TRAPPC12: variants seen among roughly 807,000 people sequenced by gnomAD.
TRAPPC12 encodes the protein TPR repeat protein 15.
TRAPPC12 carries 61 observed loss-of-function variants against 69.2 expected under a neutral mutation model. That is an observed-to-expected ratio of 0.88 (90% confidence interval 0.72 to 1.09). The LOEUF (loss-of-function observed/expected upper bound fraction) is 1.09. Among genes scored for constraint, TRAPPC12 ranks in the 50% least tolerant of loss-of-function variants. The probability of loss-of-function intolerance (pLI) is 0.00; values close to 1 mark genes in which losing one functional copy is unlikely to be tolerated. For synonymous variants in TRAPPC12, 469 were observed against 438.9 expected (o/e 1.07, Z -0.86); for missense variants, 1,101 against 1,016.4 (o/e 1.08, Z -1.13).
chr2:3,402,161 A>G (rs1359245395), intron 3 of TRAPPC12, among the ~76,000 whole-genome samples: 1 of 152,230 alleles, frequency 6.6e-6, no homozygotes, highest in East Asian at 1.9e-4. Context: ...TTGCTTCATC[A>G]TATATAATAG....
chr2:3,450,675 G>T (rs1194669016), intron 6 of TRAPPC12, among the ~76,000 whole-genome samples: 1 of 152,140 alleles, frequency 6.6e-6, no homozygotes, highest in Admixed American at 6.5e-5. Context: ...AGGTCCCCTG[G>T]GAAGCTGTGG....
In TRAPPC12 at chr2:3,473,161, C is replaced by T. The variant is rs1207863655; in HGVS notation, c.1777-4534C>T. Among the ~76,000 whole-genome samples, 7 of 150,538 alleles carry T rather than the reference C, an allele frequency of 4.6e-5. No individual in the cohort carries two copies. The East Asian group carries it at 9.6e-4, about 21-fold the overall frequency. ...GCCTGCCTGGTTCCCAGCAGGCCCTCGGGTTCTGCAGAGAGAGCAGGTGAG... is the reference window on the plus strand; with the variant it reads ...GCCTGCCTGGTTCCCAGCAGGCCCTTGGGTTCTGCAGAGAGAGCAGGTGAG... On this transcript the variant is annotated intron_variant, in intron 9 of 11. Coordinates refer to ENST00000324266, the MANE Select transcript of TRAPPC12 (RefSeq NM_016030.6).
At chr2:3,389,002 T>C (rs745933331) in intron 2 of TRAPPC12, 3 of 244,028 alleles carry the variant, frequency 1.2e-5, no homozygotes, top group Non-Finnish European at 2.3e-5. Context: ...TTTCTTTCTT[T>C]AAAATATGGA....
chr2:3,393,087 A>G (rs1367159382), intron 2 of TRAPPC12, among the ~76,000 whole-genome samples: 2 of 152,034 alleles, frequency 1.3e-5, no homozygotes, highest in African/African-American at 2.4e-5. Flanking sequence ...TCCAGCATGG[A>G]TAACAGAGTA....
rs1165067059 is a variant in TRAPPC12 at position 3,388,199 on chromosome 2, G to A, written c.576G>A (p.Ser192=). The A allele has an allele frequency of 1.2e-6, 2 of 1,609,268 alleles. No homozygotes were observed. Among genetic ancestry groups the A allele is most frequent in the South Asian group, 1.1e-5 (1 of 90,818 alleles). Residue 192 remains serine, a synonymous_variant, in exon 2 of 12, where the codon TCG becomes TCA. Transcript: ENST00000324266. The part of the protein sequence containing the change: ...SPSFGGASEA[S]ARTPPQVVQP... ...GCTTCGGTGGCGCCAGCGAGGCCTC[G>A]GCCAGGACACCGCCCCAGGTCGTGC... is the stretch of plus-strand genomic sequence containing the variant.
At chr2:3,479,100 C>A in intron 11 of TRAPPC12, 119 bp from the exon 12 acceptor site, 1 of 1,532,902 alleles carries the variant, frequency 6.5e-7, no homozygotes, top group Non-Finnish European at 8.8e-7. Context: ...GCCACCTAGG[C>A]TCTGCCCAGC....
At chr2:3,441,397 C>G (rs1211313816) in intron 5 of TRAPPC12, among the ~76,000 whole-genome samples, 2 of 152,066 alleles carry the variant, frequency 1.3e-5, no homozygotes, top group Admixed American at 6.6e-5. Context: ...CATAATATTC[C>G]TTTACTATTC....
In TRAPPC12 at chr2:3,421,613, G is replaced by A. The variant is rs554810018; in HGVS notation, c.1165-268G>A. On this transcript the variant is annotated intron_variant, in intron 3 of 11. Transcript: ENST00000324266. ...AAAAGCCTCTTCCCGATGTTCTATC[G>A]GTTGTTGAATTGTAATGTTTTTATG... 81 of 674,640 alleles carry A rather than the reference G, an allele frequency of 1.2e-4. 1 individual carries two copies. Among genetic ancestry groups the A allele is most frequent in the African/African-American group, 5.1e-4 (29 of 56,578 alleles). The allele number at this position is 674,640 out of a possible 1,614,324, so 41.8% of individuals were successfully genotyped here.
intron 6 of TRAPPC12, among the ~76,000 whole-genome samples, chr2:3,451,312 G>A (rs552851620): frequency 3.9e-5 from 6 of 152,248 alleles, no homozygotes; most frequent in South Asian, 2.1e-4. Context: ...TATCCCCCAC[G>A]GTGGGGCTGG....
chr2:3,406,682 G>A (rs1661751358), intron 3 of TRAPPC12, among the ~76,000 whole-genome samples: 1 of 152,240 alleles, frequency 6.6e-6, no homozygotes, highest in South Asian at 2.1e-4. Flanking sequence ...TCCCAAGGGT[G>A]TGGGCGTGGC....
At chr2:3,382,303 T>A (rs541275418) in intron 1 of TRAPPC12, among the ~76,000 whole-genome samples, 2 of 152,022 alleles carry the variant, frequency 1.3e-5, no homozygotes, top group South Asian at 4.2e-4. Context: ...CCTGGCTAAT[T>A]TTTTGTATTT....
intron 6 of TRAPPC12, among the ~76,000 whole-genome samples, chr2:3,452,295 G>C (rs954187111): frequency 6.6e-5 from 10 of 152,288 alleles, no homozygotes; most frequent in African/African-American, 2.4e-4. Context: ...GGGAGGAGGA[G>C]GAAGCCACAG....
At chr2:3,419,616 T>C (rs1239328730) in intron 3 of TRAPPC12, among the ~76,000 whole-genome samples, 1 of 149,428 alleles carries the variant, frequency 6.7e-6, no homozygotes, top group Non-Finnish European at 1.5e-5. Context: ...CCAACTGCAC[T>C]GTGTACGCTC....
At chr2:3,466,844 C>T (rs1217670662) in intron 9 of TRAPPC12, among the ~76,000 whole-genome samples, 2 of 152,308 alleles carry the variant, frequency 1.3e-5, no homozygotes, top group African/African-American at 2.4e-5. Flanking sequence ...CAGCAACCCT[C>T]GTTACCTGTG....
intron 3 of TRAPPC12, among the ~76,000 whole-genome samples, chr2:3,403,137 G>C (rs578004228): frequency 6.6e-6 from 1 of 152,028 alleles, no homozygotes; most frequent in South Asian, 2.1e-4. Flanking sequence ...AAAGAGAATG[G>C]AATTTCCTAA....
In TRAPPC12 at chr2:3,479,111, A is replaced by G. The variant is rs921376710; in HGVS notation, c.1966-108A>G. Reference sequence around the variant, plus strand: ...CAGGGCCACCTAGGCTCTGCCCAGCAGCTCTGCACCACCCCCAGGCCCCTA... The same window carrying G: ...CAGGGCCACCTAGGCTCTGCCCAGCGGCTCTGCACCACCCCCAGGCCCCTA... On this transcript the variant is annotated intron_variant, in intron 11 of 11. Transcript: ENST00000324266. 50 of 1,542,326 alleles carry G rather than the reference A, an allele frequency of 3.2e-5. No homozygotes were observed. In the Middle Eastern group the frequency reaches 1.6e-3, roughly 49 times the overall value.
intron 3 of TRAPPC12, among the ~76,000 whole-genome samples, chr2:3,419,873 C>A (rs1662677683): frequency 6.6e-6 from 1 of 152,184 alleles, no homozygotes; most frequent in South Asian, 2.1e-4. Flanking sequence ...CACCAAGTGC[C>A]ACGGGACGTG....
At chr2:3,454,835 T>C (rs1450088332) in intron 6 of TRAPPC12, 1 of 152,296 alleles carries the variant, frequency 6.6e-6, no homozygotes, top group African/African-American at 2.4e-5. Context: ...AGGCCTTGCG[T>C]GCTCACTACA....
chr2:3,466,192 G>A (rs966619305), intron 9 of TRAPPC12: 7 of 446,542 alleles, frequency 1.6e-5, no homozygotes, highest in Non-Finnish European at 3.3e-5. Flanking sequence ...AATATTTGGT[G>A]ACAGGGAGGT....
Sources: allele counts gnomAD v4.1 joint callset (sites outside exome capture counted in the v4.1 genomes callset), GRCh38; gene constraint gnomAD v4.1.1; transcripts MANE v1.5; gene names NCBI Gene and HGNC (gene_info 2026-07-23, HGNC 2026-07-21).